The following PTPRN2 variants were observed in gnomAD, a reference collection of about 807,000 sequenced individuals.
The protein encoded by PTPRN2 is receptor-type tyrosine-protein phosphatase N2.
PTPRN2 carries 74 observed loss-of-function variants against 118.8 expected under a neutral mutation model. The ratio of observed to expected loss-of-function variants is 0.62; its 90% CI spans 0.52 to 0.76. The LOEUF (loss-of-function observed/expected upper bound fraction) is 0.76, where lower values mean the gene tolerates loss of function less well. Among genes scored for constraint, PTPRN2 ranks in the 30% least tolerant of loss-of-function variants. PTPRN2 has a pLI of 0.00. For missense variants in PTPRN2, 1,481 were observed against 1,394.4 expected (o/e 1.06, Z -0.99); for synonymous variants, 641 against 608.0 (o/e 1.05, Z -0.80).
At chr7:157,940,762 T>C (rs1585053521) in intron 11 of PTPRN2, among the ~76,000 whole-genome samples, 4 of 51,470 alleles carry the variant, frequency 7.8e-5, no homozygotes, top group Admixed American at 3.2e-4. Flanking sequence ...TCTGACACCC[T>C]CCCCACCATG....
At chr7:158,412,876 C>A (rs1480206781) in intron 2 of PTPRN2, among the ~76,000 whole-genome samples, 3 of 147,652 alleles carry the variant, frequency 2.0e-5, no homozygotes, top group Non-Finnish European at 3.0e-5. Flanking sequence ...CATCTCAGCA[C>A]CCTCCTCAGC....
intron 12 of PTPRN2, among the ~76,000 whole-genome samples, chr7:157,846,563 C>T (rs1278575452): frequency 1.3e-5 from 2 of 152,210 alleles, no homozygotes; most frequent in African/African-American, 2.4e-5. Flanking sequence ...GAGTGCGCTG[C>T]CCCAACACCC....
At chr7:157,844,988 G>A (rs1161881323) in intron 12 of PTPRN2, among the ~76,000 whole-genome samples, 1 of 152,050 alleles carries the variant, frequency 6.6e-6, no homozygotes, top group Non-Finnish European at 1.5e-5. Context: ...TGGTTTTCCA[G>A]CAAACCCTAC....
At chr7:158,380,250 G>A (rs1810866912) in intron 2 of PTPRN2, among the ~76,000 whole-genome samples, 1 of 152,142 alleles carries the variant, frequency 6.6e-6, no homozygotes, top group Admixed American at 6.5e-5. Flanking sequence ...ACAGTCCAAT[G>A]TCTCATCTGA....
intron 11 of PTPRN2, among the ~76,000 whole-genome samples, chr7:158,031,949 G>A (rs1244968086): frequency 6.6e-6 from 1 of 152,216 alleles, no homozygotes; most frequent in Non-Finnish European, 1.5e-5. Flanking sequence ...AAGTCTCTGG[G>A]TCTCCTTTGT....
At chr7:158,566,055 A>C (rs1280957052) in intron 1 of PTPRN2, among the ~76,000 whole-genome samples, 2 of 152,190 alleles carry the variant, frequency 1.3e-5, no homozygotes, top group African/African-American at 4.8e-5. Flanking sequence ...CACTGACATC[A>C]GAAGTGGCCA....
At chr7:157,575,992 CT>C (rs995296905) in intron 19 of PTPRN2, among the ~76,000 whole-genome samples, 65 of 152,176 alleles carry the variant, frequency 4.3e-4, no homozygotes, top group East Asian at 1.7e-3. Flanking sequence ...TTAAATGCTG[CT>C]TTTTTTTCAT....
At chr7:158,545,665 T>C (rs2129449830) in intron 1 of PTPRN2, among the ~76,000 whole-genome samples, 1 of 151,996 alleles carries the variant, frequency 6.6e-6, no homozygotes, top group East Asian at 1.9e-4. Context: ...GGCTCTGGAG[T>C]TGCTGTCACC....
Position 157,868,029 on chromosome 7 carries a change from C to T in PTPRN2, c.1788+30644G>A, listed in dbSNP as rs891237144. On this transcript the variant is annotated intron_variant, in intron 12 of 22. Transcript: ENST00000389418. The surrounding 1 kb of genome is among the most constrained non-coding windows in gnomAD (Gnocchi z 5.2). ...TGAGCCCTGGAGATTAACTCACTGC[C>T]GCAGGTAGGATCACCTGAGTCCTCT... Among the ~76,000 whole-genome samples, 12 of 152,196 alleles carry T rather than the reference C, an allele frequency of 7.9e-5. No homozygotes were observed. Among genetic ancestry groups the T allele is most frequent in the African/African-American group, 2.4e-4 (10 of 41,446 alleles).
chr7:157,793,221 AAC>A (rs1229962784), intron 12 of PTPRN2, among the ~76,000 whole-genome samples: 1 of 152,064 alleles, frequency 6.6e-6, no homozygotes, highest in Non-Finnish European at 1.5e-5. Context: ...CTGCAGAGCA[AAC>A]ACAGTTTCTG....
chr7:157,805,952 C>T lies in PTPRN2; in HGVS notation c.1788+92721G>A, dbSNP rs192117086. 1.9e-3 allele frequency among the ~76,000 whole-genome samples: 286 copies of T among 152,272 alleles called. 2 individuals carry two copies. Among genetic ancestry groups the T allele is most frequent in the African/African-American group, 5.9e-3 (246 of 41,542 alleles). ...ACACACACCGTGGCTGTGTGTGCAC[C>T]GGCTGGGTGACGGCCCAGGTGGTTT... On this transcript the variant is annotated intron_variant, in intron 12 of 22. Coordinates refer to ENST00000389418, the MANE Select transcript of PTPRN2 (RefSeq NM_002847.5).
At chr7:157,796,157 T>G (rs1170648628) in intron 12 of PTPRN2, among the ~76,000 whole-genome samples, 2 of 152,236 alleles carry the variant, frequency 1.3e-5, no homozygotes, top group African/African-American at 4.8e-5. Context: ...ACTGTCCTCC[T>G]TAGAGACGCG....
chr7:157,956,884 G>T (rs1360589127), intron 11 of PTPRN2, among the ~76,000 whole-genome samples: 1 of 152,212 alleles, frequency 6.6e-6, no homozygotes, highest in Non-Finnish European at 1.5e-5. Flanking sequence ...TGTTTCAATT[G>T]CCACCAAGTA....
At chr7:158,114,857 C>T (rs1012937029) in intron 9 of PTPRN2, among the ~76,000 whole-genome samples, 1 of 152,122 alleles carries the variant, frequency 6.6e-6, no homozygotes, top group Non-Finnish European at 1.5e-5. Flanking sequence ...ATGGAAACAG[C>T]AAGCAAATGC....
In PTPRN2 at chr7:157,940,765, CCA is replaced by C. The variant is rs796080557; in HGVS notation, c.1724-42030_1724-42029del. Among the ~76,000 whole-genome samples the C allele has an allele frequency of 3.3e-3, 233 of 69,782 alleles. 42 individuals are homozygous for C. Among genetic ancestry groups the C allele is most frequent in the East Asian group, 7.9e-3 (8 of 1,018 alleles). The allele number at this position is 69,782 out of a possible 152,430, so 45.8% of individuals were successfully genotyped here. On this transcript the variant is annotated intron_variant, in intron 11 of 22. Transcript: ENST00000389418. ...TGACACTGCAAATCTGACACCCTCC[CCA>C]CCATGACACTGCAAATCAAACACCC...
At chr7:157,695,921 C>T (rs574353114) in intron 12 of PTPRN2, among the ~76,000 whole-genome samples, 12 of 151,670 alleles carry the variant, frequency 7.9e-5, no homozygotes, top group Non-Finnish European at 1.6e-4. Context: ...TCACCATCTA[C>T]CCATGCATAC....
chr7:157,753,177 C>T (rs532715982), intron 12 of PTPRN2, among the ~76,000 whole-genome samples: 4 of 152,316 alleles, frequency 2.6e-5, no homozygotes, highest in South Asian at 2.1e-4. Flanking sequence ...CCTCTGCTGA[C>T]GTCGGAACCC....
intron 12 of PTPRN2, among the ~76,000 whole-genome samples, chr7:157,798,398 A>C (rs1483474107): frequency 6.6e-6 from 1 of 152,098 alleles, no homozygotes; most frequent in Non-Finnish European, 1.5e-5. Context: ...CCCCATGCTA[A>C]ATATTTTGTC....
intron 2 of PTPRN2, among the ~76,000 whole-genome samples, chr7:158,441,695 G>A (rs969503044): frequency 7.4e-6 from 1 of 134,736 alleles, no homozygotes; most frequent in African/African-American, 2.8e-5. Context: ...GGTGGTGATG[G>A]CAATGGTGGC....
Sources: allele counts gnomAD v4.1 joint callset (sites outside exome capture counted in the v4.1 genomes callset), GRCh38; gene constraint gnomAD v4.1.1; non-coding constraint Gnocchi (gnomAD v3.1); transcripts MANE v1.5; gene names NCBI Gene and HGNC (gene_info 2026-07-23, HGNC 2026-07-21).